PCDHGA8: variants seen among roughly 807,000 people sequenced by gnomAD.
The protein encoded by PCDHGA8 is protocadherin gamma subfamily A, 8.
A neutral mutation model predicts 59.2 loss-of-function variants in PCDHGA8; 45 were observed. That is an observed-to-expected ratio of 0.76 (90% CI 0.60 to 0.98). PCDHGA8 has a LOEUF of 0.98. Among genes scored for constraint, PCDHGA8 ranks in the 50% least tolerant of loss-of-function variants. The probability of loss-of-function intolerance (pLI) is 0.00; values close to 1 mark genes in which losing one functional copy is unlikely to be tolerated. For synonymous variants in PCDHGA8, 531 were observed against 519.0 expected, an observed-to-expected ratio of 1.02 and a Z score of -0.32; for missense variants, 1,257 against 1,196.2, an observed-to-expected ratio of 1.05 and a Z score of -0.75.
intron 1 of PCDHGA8, among the ~76,000 whole-genome samples, chr5:141,407,220 A>G (rs569421185): frequency 6.6e-6 from 1 of 152,342 alleles, no homozygotes; most frequent in East Asian, 1.9e-4. Context: ...TTAAGTGGGT[A>G]GCAAAAAAAA....
Position 141,485,950 on chromosome 5 carries a change from G to A in PCDHGA8, c.2425-8857G>A. ...TGTTGGAGAGCGCACCAGCGGGCAT[G>A]GTGCTCATCCAGCTCAATGCCTCAG... On this transcript the variant is annotated intron_variant, in intron 1 of 3. Transcript: ENST00000398604. The surrounding 1 kb of genome is among the most constrained non-coding windows in gnomAD (Gnocchi z 5.7). 6.2e-7 allele frequency: 1 copy of A among 1,614,184 alleles called. No individual in the cohort carries two copies. The highest frequency in any genetic ancestry group is 8.5e-7 in the Non-Finnish European group (1 of 1,180,030).
chr5:141,419,980 G>T lies in PCDHGA8; in HGVS notation c.2424+24743G>T, dbSNP rs182372807. 1.1e-4 allele frequency: 180 copies of T among 1,614,080 alleles called. No individual in the cohort carries two copies. The East Asian group carries it at 1.1e-3, about 10-fold the overall frequency. On this transcript the variant is annotated intron_variant, in intron 1 of 3. Transcript: ENST00000398604. ...TTTCTGTGCTCTTTCTCCTCGCGGTGATTCTAGCTATTGCTCTACGCCTGC... is the reference window on the plus strand; with the variant it reads ...TTTCTGTGCTCTTTCTCCTCGCGGTTATTCTAGCTATTGCTCTACGCCTGC...
chr5:141,458,567 TTTTG>T (rs144471304), intron 1 of PCDHGA8, among the ~76,000 whole-genome samples: 42,006 of 151,504 alleles, frequency 0.28, 6,493 homozygotes, highest in African/African-American at 0.43. Context: ...GGTTTTGGGT[TTTTG>T]TTTGTTTGTT....
At chr5:141,474,062 C>A (rs745636246) in intron 1 of PCDHGA8, among the ~76,000 whole-genome samples, 2 of 152,104 alleles carry the variant, frequency 1.3e-5, no homozygotes, top group Non-Finnish European at 2.9e-5. Context: ...AGAGCGAGAT[C>A]CTGCCTCAGA....
At chr5:141,469,543 C>G (rs1031152008) in intron 1 of PCDHGA8, among the ~76,000 whole-genome samples, 4 of 152,040 alleles carry the variant, frequency 2.6e-5, no homozygotes, top group Non-Finnish European at 4.4e-5. Flanking sequence ...CCACTGCACT[C>G]CAGCCTGGCG....
At chr5:141,502,951 C>G (rs1444086718) in intron 2 of PCDHGA8, among the ~76,000 whole-genome samples, 1 of 147,768 alleles carries the variant, frequency 6.8e-6, no homozygotes, top group African/African-American at 2.6e-5. Context: ...TCAAGCGATT[C>G]TCCTGCCTCA....
chr5:141,495,077 C>T (rs1237589417), intron 2 of PCDHGA8, among the ~76,000 whole-genome samples: 4 of 152,180 alleles, frequency 2.6e-5, no homozygotes, highest in African/African-American at 9.7e-5. Flanking sequence ...AATTCACATG[C>T]TTGCCCCTTC....
Position 141,432,323 on chromosome 5 carries a change from T to C in PCDHGA8, c.2424+37086T>C, listed in dbSNP as rs1198710959. The C allele has an allele frequency of 3.4e-5, 55 of 1,614,214 alleles. No individual in the cohort carries two copies. Among genetic ancestry groups the C allele is most frequent in the Non-Finnish European group, 4.7e-5 (55 of 1,180,028 alleles). On this transcript the variant is annotated intron_variant, in intron 1 of 3. Transcript: ENST00000398604. This position sits in a 1 kb window ranked among gnomAD's most constrained non-coding sequence, Gnocchi z 6.0. ...ACTGTATGCGCTGAGCTCCTTCGAC[T>C]ACGAGCAGTTCCGAGACTTGCAAGT...
intron 1 of PCDHGA8, chr5:141,413,776 G>A: frequency 6.2e-7 from 1 of 1,613,188 alleles, no homozygotes; most frequent in Non-Finnish European, 8.5e-7. Context: ...GCTGGTACTG[G>A]AGCACTCCCT....
rs1241912384 is a variant in PCDHGA8 at position 141,404,765 on chromosome 5, T to C, written c.2424+9528T>C. ...AGACTCAGGCCAGAATGCTTGGCTC[T>C]CCTACCGCCTATTCAAGGCCAGTGA... On this transcript the variant is annotated intron_variant, in intron 1 of 3. Coordinates refer to ENST00000398604, the MANE Select transcript of PCDHGA8 (RefSeq NM_032088.2). 2.5e-6 allele frequency: 4 copies of C among 1,613,120 alleles called. No individual in the cohort carries two copies. The Admixed American group carries it at 6.7e-5, about 27-fold the overall frequency.
rs752796935 is a variant in PCDHGA8, at chr5:141,399,900, C to T, written c.2424+4663C>T. ...TGGTGACCAAGGTAGTGGCCGTGGACGCAGACTCAGGACACAACGCCTGGC... is the reference window on the plus strand; with the variant it reads ...TGGTGACCAAGGTAGTGGCCGTGGATGCAGACTCAGGACACAACGCCTGGC... On this transcript the variant is annotated intron_variant, in intron 1 of 3. Coordinates refer to ENST00000398604, the MANE Select transcript of PCDHGA8 (RefSeq NM_032088.2). The T allele has an allele frequency of 7.4e-6, 12 of 1,612,414 alleles. 1 individual carries two copies. In the South Asian group the frequency reaches 9.9e-5, roughly 13 times the overall value.
chr5:141,441,656 C>A, intron 1 of PCDHGA8: 1 of 247,684 alleles, frequency 4.0e-6, no homozygotes, highest in Non-Finnish European at 8.1e-6. Flanking sequence ...TCTAGGTGTC[C>A]TTGAGCGCAC....
intron 1 of PCDHGA8, chr5:141,423,780 T>C: frequency 8.0e-7 from 1 of 1,243,766 alleles, no homozygotes; most frequent in Non-Finnish European, 1.0e-6. Flanking sequence ...ATATATTTAG[T>C]TCATATATAT....
intron 1 of PCDHGA8, chr5:141,428,502 G>T: frequency 7.1e-6 from 2 of 282,686 alleles, no homozygotes; most frequent in Non-Finnish European, 6.9e-6. Flanking sequence ...ATGTTCCCTC[G>T]GATTCTAGAA....
At chr5:141,404,114 G>C (rs2094486353) in intron 1 of PCDHGA8, 4 of 1,613,348 alleles carry the variant, frequency 2.5e-6, no homozygotes, top group Non-Finnish European at 3.4e-6. Context: ...TTCTATCCAG[G>C]AGAATCTATC....
At chr5:141,505,121 C>A (rs1194549194) in intron 2 of PCDHGA8, among the ~76,000 whole-genome samples, 1 of 152,168 alleles carries the variant, frequency 6.6e-6, no homozygotes, top group Non-Finnish European at 1.5e-5. Context: ...AAGATCGCGC[C>A]ACTGCACTCC....
At chr5:141,454,625 C>T (rs1193628253) in intron 1 of PCDHGA8, among the ~76,000 whole-genome samples, 2 of 151,512 alleles carry the variant, frequency 1.3e-5, no homozygotes, top group East Asian at 1.9e-4. Flanking sequence ...AGGCTGGTCT[C>T]GAACCCCCAA....
chr5:141,432,538 G>C lies in PCDHGA8; in HGVS notation c.2424+37301G>C, dbSNP rs200601557. The C allele has an allele frequency of 2.5e-5, 40 of 1,614,026 alleles. No individual in the cohort carries two copies. The highest frequency in any genetic ancestry group is 1.5e-4 in the Admixed American group (9 of 60,032). On this transcript the variant is annotated intron_variant, in intron 1 of 3. Coordinates refer to ENST00000398604, the MANE Select transcript of PCDHGA8 (RefSeq NM_032088.2). This position sits in a 1 kb window ranked among gnomAD's most constrained non-coding sequence, Gnocchi z 6.0. ...GCTACCTGGTGACCAAGGTGGTGGC[G>C]GTGGACAGAGACTCCGGCCAGAACG...
At chr5:141,496,602 C>T (rs981108050) in intron 2 of PCDHGA8, among the ~76,000 whole-genome samples, 1 of 152,150 alleles carries the variant, frequency 6.6e-6, no homozygotes, top group Non-Finnish European at 1.5e-5. Flanking sequence ...TCTTAGAAGG[C>T]CCCTAAAAAG....
Sources: gnomAD v4.1 joint callset for allele counts (sites outside exome capture counted in the v4.1 genomes callset) on GRCh38, gnomAD v4.1.1 for gene constraint, Gnocchi (gnomAD v3.1) non-coding constraint, MANE v1.5 for transcripts, NCBI Gene and HGNC (gene_info 2026-07-23, HGNC 2026-07-21) for gene names.